The following GABRB3 variants were observed in gnomAD, a reference collection of about 807,000 sequenced individuals.
GABRB3 encodes the protein gamma-aminobutyric acid receptor subunit beta-3.
Under a neutral mutation model 52.1 loss-of-function variants are expected in GABRB3, and 14 were observed. That is an observed-to-expected ratio of 0.27 (90% CI 0.18 to 0.42). The LOEUF is 0.42. Among genes scored for constraint, GABRB3 ranks in the 10% least tolerant of loss-of-function variants. GABRB3 has a pLI of 1.00. For missense variants in GABRB3, 307 were observed against 609.1 expected (o/e 0.50, Z 5.22); for synonymous variants, 260 against 232.3 (o/e 1.12, Z -1.08).
intron 3 of GABRB3, among the ~76,000 whole-genome samples, chr15:26,756,412 A>AC (rs1468435993): frequency 6.6e-6 from 1 of 151,686 alleles, no homozygotes; most frequent in Non-Finnish European, 1.5e-5. Flanking sequence ...TACTAAAAAA[A>AC]AAAAAAAATA....
intron 4 of GABRB3, chr15:26,590,120 T>C (rs1891139973): frequency 6.6e-6 from 1 of 152,174 alleles, no homozygotes; most frequent in Admixed American, 6.6e-5. Flanking sequence ...CAGAATTCAA[T>C]TCTTACCTGC....
intron 7 of GABRB3, among the ~76,000 whole-genome samples, chr15:26,563,436 T>G (rs895730442): frequency 6.6e-6 from 1 of 152,188 alleles, no homozygotes; most frequent in Non-Finnish European, 1.5e-5. Context: ...ACTAAGTCCT[T>G]CTATTGCTTT....
chr15:26,557,408 T>G (rs1889794171), intron 8 of GABRB3, among the ~76,000 whole-genome samples: 1 of 152,140 alleles, frequency 6.6e-6, no homozygotes, highest in Non-Finnish European at 1.5e-5. Flanking sequence ...AACCTGCACA[T>G]GTACCCTTGA....
At chr15:26,748,642 G>A (rs1423471772) in intron 3 of GABRB3, among the ~76,000 whole-genome samples, 3 of 152,156 alleles carry the variant, frequency 2.0e-5, no homozygotes, top group Non-Finnish European at 2.9e-5. Context: ...TGGGGGGCAA[G>A]ATAAAAATTT....
chr15:26,618,601 G>A (rs1209737956), intron 4 of GABRB3, among the ~76,000 whole-genome samples: 1 of 152,140 alleles, frequency 6.6e-6, no homozygotes, highest in African/African-American at 2.4e-5. Flanking sequence ...TAGGACATAG[G>A]CATGGGCAAG....
intron 3 of GABRB3, among the ~76,000 whole-genome samples, chr15:26,757,636 C>T (rs1313555588): frequency 6.6e-6 from 1 of 152,188 alleles, no homozygotes; most frequent in Non-Finnish European, 1.5e-5. Context: ...TACAAGAATA[C>T]ACTAATCAAC....
At position 26,544,182 on chromosome 15, in the gene GABRB3, T is replaced by C. The variant is rs938815068; in HGVS notation, c.*3611A>G. 4 of 152,548 alleles carry C rather than the reference T, an allele frequency of 2.6e-5. No individual in the cohort carries two copies. Among genetic ancestry groups the C allele is most frequent in the Non-Finnish European group, 4.4e-5 (3 of 68,030 alleles). The allele number at this position is 152,548 out of a possible 1,614,324, so 9.4% of individuals were successfully genotyped here. A position where few individuals can be genotyped will look rare whatever the true frequency, so the allele number is the denominator to read the frequency against. ...AGTTAAAATAAGAATTAAGTGATGG[T>C]TTATACTTTCAAGCCAGGAGATTCA... On this transcript the variant is annotated 3_prime_UTR_variant, in exon 9 of 9. Transcript: ENST00000311550.
At chr15:26,584,627 C>T (rs1013588059) in intron 4 of GABRB3, among the ~76,000 whole-genome samples, 9 of 152,192 alleles carry the variant, frequency 5.9e-5, no homozygotes, top group African/African-American at 1.9e-4. Flanking sequence ...TAAGGCTCCA[C>T]CATGCAATGG....
chr15:26,715,042 A>G (rs2140134745), intron 3 of GABRB3, among the ~76,000 whole-genome samples: 1 of 152,290 alleles, frequency 6.6e-6, no homozygotes. Flanking sequence ...GGTGCCAGGT[A>G]AATATATCCA....
intron 3 of GABRB3, among the ~76,000 whole-genome samples, chr15:26,686,038 T>C (rs1370543366): frequency 6.6e-6 from 1 of 152,194 alleles, no homozygotes; most frequent in Non-Finnish European, 1.5e-5. Context: ...CTCGAATTCC[T>C]GGCCTCAAGC....
chr15:26,717,766 AC>A (rs1373792789), intron 3 of GABRB3, among the ~76,000 whole-genome samples: 3 of 152,142 alleles, frequency 2.0e-5, no homozygotes, highest in African/African-American at 7.2e-5. Flanking sequence ...ACACCTCTTT[AC>A]AAGCTGAGCT....
chr15:26,770,816 T>C (rs978291406), intron 3 of GABRB3, among the ~76,000 whole-genome samples: 3 of 152,204 alleles, frequency 2.0e-5, no homozygotes, highest in African/African-American at 7.2e-5. Context: ...ATCTTAAATG[T>C]ATTAACTTGT....
Position 26,554,176 on chromosome 15 carries a change from G to GAGTATATA in GABRB3, c.1081-6043_1081-6042insTATATACT, listed in dbSNP as rs71420007. Among the ~76,000 whole-genome samples, 56 of 27,338 alleles carry GAGTATATA rather than the reference G, an allele frequency of 2.0e-3. 2 individuals carry two copies. Among genetic ancestry groups the GAGTATATA allele is most frequent in the Non-Finnish European group, 3.1e-3 (42 of 13,538 alleles). The allele number at this position is 27,338 out of a possible 152,430, so 17.9% of individuals were successfully genotyped here. ...TATATATAAAGTATATATATATAAA[G>GAGTATATA]TATATATATATATACTATATATATA... is the stretch of plus-strand genomic sequence containing the variant. On this transcript the variant is annotated intron_variant, in intron 8 of 8. Coordinates refer to ENST00000311550, the MANE Select transcript of GABRB3 (RefSeq NM_000814.6).
chr15:26,691,763 G>A (rs1425081788), intron 3 of GABRB3, among the ~76,000 whole-genome samples: 1 of 151,608 alleles, frequency 6.6e-6, no homozygotes, highest in Non-Finnish European at 1.5e-5. Context: ...TTCTCAACAA[G>A]TTGAGAAAAC....
At chr15:26,765,802 T>G (rs555153945) in intron 3 of GABRB3, among the ~76,000 whole-genome samples, 1 of 152,256 alleles carries the variant, frequency 6.6e-6, no homozygotes, top group East Asian at 1.9e-4. Flanking sequence ...AAATGCAGAA[T>G]GGGAAATGTC....
At chr15:26,569,046 G>A (rs1236537371) in intron 6 of GABRB3, among the ~76,000 whole-genome samples, 1 of 152,006 alleles carries the variant, frequency 6.6e-6, no homozygotes, top group Admixed American at 6.6e-5. Flanking sequence ...ACTCCAAGAG[G>A]CCTCACCTTT....
intron 3 of GABRB3, among the ~76,000 whole-genome samples, chr15:26,715,275 G>T (rs1310689071): frequency 2.0e-5 from 3 of 152,118 alleles, no homozygotes; most frequent in Non-Finnish European, 4.4e-5. Context: ...CTGAGAGACA[G>T]CAGAAAAACC....
chr15:26,635,907 G>A (rs28650021), intron 3 of GABRB3, among the ~76,000 whole-genome samples: 6,189 of 152,264 alleles, frequency 0.041, 427 homozygotes, highest in African/African-American at 0.14. Flanking sequence ...GAACCTATTA[G>A]ATTACTGCTG....
rs140899476 is a variant in GABRB3, at chr15:26,620,545, A to G, written c.461+769T>C. On this transcript the variant is annotated intron_variant, in intron 4 of 8. Transcript: ENST00000311550. ...AGGGTCTCAAGGGCACTTTTAGGCC[A>G]GGAGAGCAAGAAACAGACACACATA... Among the ~76,000 whole-genome samples the G allele has an allele frequency of 5.0e-4, 76 of 152,380 alleles. 1 individual carries two copies. Among genetic ancestry groups the G allele is most frequent in the African/African-American group, 1.7e-3 (72 of 41,592 alleles).
Sources: allele counts gnomAD v4.1 joint callset (sites outside exome capture counted in the v4.1 genomes callset), GRCh38; gene constraint gnomAD v4.1.1; transcripts MANE v1.5; gene names NCBI Gene and HGNC (gene_info 2026-07-23, HGNC 2026-07-21).